The following ZFHX3 variants were observed in gnomAD, a reference collection of about 807,000 sequenced individuals.
ZFHX3 encodes the protein zinc finger homeobox 3, also known as zinc finger homeobox protein 3.
Under a neutral mutation model 279.1 loss-of-function variants are expected in ZFHX3, and 42 were observed. The ratio of observed to expected loss-of-function variants is 0.15; its 90% CI spans 0.12 to 0.19. ZFHX3 has a LOEUF of 0.19. Among genes scored for constraint, ZFHX3 ranks in the 10% least tolerant of loss-of-function variants. ZFHX3 has a pLI of 1.00. For synonymous variants in ZFHX3, 2,293 were observed against 1,957.8 expected, an observed-to-expected ratio of 1.17 and a Z score of -4.52; for missense variants, 4,981 against 4,754.0, an observed-to-expected ratio of 1.05 and a Z score of -1.40.
chr16:72,863,928 A>G (rs1191829689), intron 4 of ZFHX3, among the ~76,000 whole-genome samples: 1 of 152,144 alleles, frequency 6.6e-6, no homozygotes, highest in East Asian at 1.9e-4. Flanking sequence ...CATCCTGGCT[A>G]ACATGGTGAA....
chr16:73,217,467 G>A (rs1299239458), intron 5 of ZFHX3, among the ~76,000 whole-genome samples: 1 of 152,128 alleles, frequency 6.6e-6, no homozygotes, highest in African/African-American at 2.4e-5. Flanking sequence ...TTTAAAAAGG[G>A]CAGCCTGGCC....
intron 2 of ZFHX3, among the ~76,000 whole-genome samples, chr16:73,491,472 G>A (rs1319531003): frequency 1.3e-5 from 2 of 152,158 alleles, no homozygotes; most frequent in African/African-American, 2.4e-5. Flanking sequence ...TTTTGAATAC[G>A]CTTCAAAAGA....
At chr16:73,261,473 T>A (rs528772837) in intron 4 of ZFHX3, among the ~76,000 whole-genome samples, 9 of 152,178 alleles carry the variant, frequency 5.9e-5, no homozygotes, top group African/African-American at 2.2e-4. Flanking sequence ...TGGGACTATA[T>A]GAAGTATTAA....
intron 1 of ZFHX3, among the ~76,000 whole-genome samples, chr16:73,804,838 C>G (rs1960230463): frequency 6.8e-6 from 1 of 147,176 alleles, no homozygotes; most frequent in Non-Finnish European, 1.5e-5. Flanking sequence ...ATGGCCAAAA[C>G]ACTATACACA....
chr16:73,064,510 T>G (rs546316075), upstream of ZFHX3, among the ~76,000 whole-genome samples: 210 of 148,266 alleles, frequency 1.4e-3, no homozygotes, highest in Non-Finnish European at 2.4e-3. Flanking sequence ...GAACAAGCCT[T>G]TTTTTTTTTT....
chr16:72,891,918 G>C (rs2038782642), intron 3 of ZFHX3, among the ~76,000 whole-genome samples: 1 of 152,190 alleles, frequency 6.6e-6, no homozygotes, highest in East Asian at 1.9e-4. Flanking sequence ...TTTATGCCAG[G>C]ATAATGGTTT....
chr16:73,792,731 G>A (rs1036972183), intron 1 of ZFHX3, among the ~76,000 whole-genome samples: 1 of 152,138 alleles, frequency 6.6e-6, no homozygotes, highest in African/African-American at 2.4e-5. Flanking sequence ...AGGTGAAAAC[G>A]GTTGTTCGAA....
intron 2 of ZFHX3, among the ~76,000 whole-genome samples, chr16:73,555,313 C>G (rs1212360973): frequency 1.3e-5 from 2 of 152,028 alleles, no homozygotes; most frequent in Non-Finnish European, 2.9e-5. Context: ...CGCCACCACA[C>G]CCGGCTAATT....
At chr16:73,889,939 T>C (rs2030474542) in intron 1 of ZFHX3, among the ~76,000 whole-genome samples, 1 of 152,222 alleles carries the variant, frequency 6.6e-6, no homozygotes, top group Non-Finnish European at 1.5e-5. Context: ...CTAATGGAGT[T>C]GCTTTGGATT....
At chr16:73,612,462 G>A (rs899266151) in intron 2 of ZFHX3, among the ~76,000 whole-genome samples, 1 of 152,170 alleles carries the variant, frequency 6.6e-6, no homozygotes, top group East Asian at 1.9e-4. Flanking sequence ...TTCCTAGAAT[G>A]TTTTAAGATT....
chr16:73,531,822 T>C (rs1310791458), intron 2 of ZFHX3, among the ~76,000 whole-genome samples: 1 of 151,252 alleles, frequency 6.6e-6, no homozygotes, highest in Admixed American at 6.6e-5. Flanking sequence ...TGCACAGTGG[T>C]TCATACCTGT....
intron 1 of ZFHX3, among the ~76,000 whole-genome samples, chr16:73,742,241 C>T (rs574429343): frequency 6.6e-6 from 1 of 152,152 alleles, no homozygotes; most frequent in Non-Finnish European, 1.5e-5. Flanking sequence ...TTCTATCATG[C>T]CTTTGTCTAG....
chr16:73,189,683 C>T (rs1273018524), intron 5 of ZFHX3, among the ~76,000 whole-genome samples: 1 of 152,212 alleles, frequency 6.6e-6, no homozygotes, highest in Admixed American at 6.5e-5. Flanking sequence ...TCTCCTTTCA[C>T]CTCTCTTTGG....
chr16:72,788,350 G>C lies in ZFHX3; in HGVS notation c.9926C>G (p.Pro3309Arg). 6.2e-7 allele frequency: 1 copy of C among 1,614,202 alleles called. No individual in the cohort carries two copies. The highest frequency in any genetic ancestry group is 1.1e-5 in the South Asian group (1 of 91,082). ...AGGAGAAAAGCCTGGTACAAAGTAA[G>C]GAAGGAACTGGCTTGTGAGCAATGC... The part of the protein sequence containing the change: ...PTALLTSQFL[P>R]YFVPGFSPYY... Residue 3309 changes from proline (P) to arginine (R), a missense_variant, in exon 10 of 10, where the codon CCT becomes CGT. Coordinates refer to ENST00000268489, the MANE Select transcript of ZFHX3 (RefSeq NM_006885.4).
At chr16:73,810,057 C>A (rs1051104288) in intron 1 of ZFHX3, among the ~76,000 whole-genome samples, 4 of 152,138 alleles carry the variant, frequency 2.6e-5, no homozygotes, top group Admixed American at 2.0e-4. Context: ...TGTATTTTGG[C>A]CTTAGGATGA....
intron 1 of ZFHX3, among the ~76,000 whole-genome samples, chr16:73,755,964 A>G (rs960168607): frequency 6.6e-6 from 1 of 152,114 alleles, no homozygotes; most frequent in African/African-American, 2.4e-5. Context: ...CTGATAGCAC[A>G]TGCCAAGATG....
chr16:72,941,663 T>A (rs1186314702), intron 3 of ZFHX3, among the ~76,000 whole-genome samples: 1 of 151,300 alleles, frequency 6.6e-6, no homozygotes, highest in African/African-American at 2.4e-5. Flanking sequence ...TATTTTTTTT[T>A]AATGTCATAT....
intron 7 of ZFHX3, among the ~76,000 whole-genome samples, chr16:72,803,605 C>T (rs1036510977): frequency 6.6e-6 from 1 of 152,156 alleles, no homozygotes; most frequent in Non-Finnish European, 1.5e-5. Context: ...GCCATGGACT[C>T]AAGAGCCAAA....
At chr16:73,497,406 C>T (rs1377422058) in intron 2 of ZFHX3, among the ~76,000 whole-genome samples, 5 of 152,310 alleles carry the variant, frequency 3.3e-5, no homozygotes, top group South Asian at 2.1e-4. Context: ...CAGTGGCTCA[C>T]GCCTGTAATC....
Sources: gnomAD v4.1 joint callset for allele counts (sites outside exome capture counted in the v4.1 genomes callset) on GRCh38, gnomAD v4.1.1 for gene constraint, MANE v1.5 for transcripts, NCBI Gene and HGNC (gene_info 2026-07-23, HGNC 2026-07-21) for gene names.